The following LAMA4 variants were observed in gnomAD, a reference collection of about 807,000 sequenced individuals.
LAMA4 encodes laminin subunit alpha-4.
In LAMA4, 127 loss-of-function variants were observed where a neutral mutation model predicts 207.1. That is an observed-to-expected ratio of 0.61 (90% CI 0.53 to 0.71). The LOEUF is 0.71. Among genes scored for constraint, LAMA4 ranks in the 30% least tolerant of loss-of-function variants. The pLI, the probability that LAMA4 is intolerant of heterozygous loss-of-function variation, is 0.00. For synonymous variants in LAMA4, 761 were observed against 816.0 expected (o/e 0.93, Z 1.15); for missense variants, 2,093 against 2,246.5 (o/e 0.93, Z 1.38).
chr6:112,187,606 A>T lies in LAMA4; in HGVS notation c.815-5T>A. On this transcript the variant is annotated splice_polypyrimidine_tract_variant and splice_region_variant and intron_variant, in intron 7 of 38. Transcript: ENST00000230538. ...CCCAGACGCACTTATCACAGCCTGG[A>T]GGTGAAACATTTCTTCAGAATCACA... 1 of 1,613,546 alleles carries T rather than the reference A, an allele frequency of 6.2e-7. No individual in the cohort carries two copies. The highest frequency in any genetic ancestry group is 8.5e-7 in the Non-Finnish European group (1 of 1,179,800).
At chr6:112,145,429 A>G (rs1779964468) in intron 18 of LAMA4, among the ~76,000 whole-genome samples, 1 of 152,216 alleles carries the variant, frequency 6.6e-6, no homozygotes, top group South Asian at 2.1e-4. Flanking sequence ...GAAGGTAGGC[A>G]TGGGGGAGCC....
At chr6:112,110,373 C>G (rs1777627323) in intron 38 of LAMA4, among the ~76,000 whole-genome samples, 1 of 152,122 alleles carries the variant, frequency 6.6e-6, no homozygotes, top group African/African-American at 2.4e-5. Context: ...GCTATGTGAG[C>G]AGTAGCAGAT....
chr6:112,170,862 C>G, intron 12 of LAMA4, among the ~76,000 whole-genome samples: 1 of 152,120 alleles, frequency 6.6e-6, no homozygotes, highest in Non-Finnish European at 1.5e-5. Context: ...TGAGGTAAGA[C>G]TTAAAGGATA....
intron 6 of LAMA4, among the ~76,000 whole-genome samples, chr6:112,190,935 CTTTCTTT>C (rs1225143335): frequency 1.7e-5 from 1 of 59,304 alleles, no homozygotes; most frequent in Non-Finnish European, 3.2e-5. Context: ...TTCTTTCTTT[CTTTCTTT>C]CTTTCCTTTC....
chr6:112,207,301 C>G (rs1784114297), intron 3 of LAMA4, among the ~76,000 whole-genome samples, 156 bp from the exon 4 acceptor site: 1 of 152,186 alleles, frequency 6.6e-6, no homozygotes, highest in Non-Finnish European at 1.5e-5. Flanking sequence ...AGGAGTCACA[C>G]TGGCCCCAGT....
chr6:112,185,195 TC>T, intron 9 of LAMA4, 41 bp downstream of exon 9: 1 of 1,326,682 alleles, frequency 7.5e-7, no homozygotes. Flanking sequence ...CTAAATCCTT[TC>T]TTTGAAGGCT....
intron 2 of LAMA4, among the ~76,000 whole-genome samples, chr6:112,220,256 C>G (rs1784851398): frequency 6.6e-6 from 1 of 152,144 alleles, no homozygotes. Context: ...TTAAGAGACT[C>G]CTATTATCAC....
At chr6:112,237,473 A>G (rs575995134) in intron 2 of LAMA4, among the ~76,000 whole-genome samples, 27 of 152,314 alleles carry the variant, frequency 1.8e-4, no homozygotes, top group African/African-American at 6.0e-4. Context: ...TTTAAAAACC[A>G]GTAAAATTTC....
At chr6:112,130,480 G>GTGGATA (rs1267191329) in intron 29 of LAMA4, among the ~76,000 whole-genome samples, 8 of 152,076 alleles carry the variant, frequency 5.3e-5, no homozygotes, top group African/African-American at 1.9e-4. Flanking sequence ...GTCCACAAAA[G>GTGGATA]TGGACATAGG....
Position 112,130,948 on chromosome 6 carries a change from T to C in LAMA4, c.3968+20A>G, listed in dbSNP as rs781991594. On this transcript the variant is annotated intron_variant, in intron 29 of 38. Coordinates refer to ENST00000230538, the MANE Select transcript of LAMA4 (RefSeq NM_001105206.3). ...CCACAAATAGACATGGTGGAAAGAATATGAAGTGAGGAGCTATACCTTGTG... is the reference window on the plus strand; with the variant it reads ...CCACAAATAGACATGGTGGAAAGAACATGAAGTGAGGAGCTATACCTTGTG... 1.3e-5 allele frequency: 21 copies of C among 1,611,586 alleles called. No individual in the cohort carries two copies. The highest frequency in any genetic ancestry group is 1.7e-5 in the Non-Finnish European group (20 of 1,177,904).
intron 16 of LAMA4, among the ~76,000 whole-genome samples, chr6:112,153,919 GT>G (rs1336567372): frequency 1.3e-5 from 2 of 152,024 alleles, no homozygotes; most frequent in African/African-American, 2.4e-5. Flanking sequence ...GAAAAGCAAA[GT>G]GCATTTATCT....
chr6:112,220,467 T>G (rs781948215), intron 2 of LAMA4, among the ~76,000 whole-genome samples: 5 of 152,190 alleles, frequency 3.3e-5, no homozygotes, highest in African/African-American at 4.8e-5. Flanking sequence ...TATGAGGAAA[T>G]GAGTGTGGTG....
chr6:112,126,141 T>C (rs1233543283), intron 31 of LAMA4, among the ~76,000 whole-genome samples: 5 of 152,218 alleles, frequency 3.3e-5, no homozygotes, highest in Admixed American at 6.5e-5. Flanking sequence ...GGGCTGTTGA[T>C]TATAACCTTG....
In LAMA4 at chr6:112,109,095, G is replaced by C. The variant is rs1562616609; in HGVS notation, c.*342C>G. 2 of 286,804 alleles carry C rather than the reference G, an allele frequency of 7.0e-6. No individual in the cohort carries two copies. The highest frequency in any genetic ancestry group is 1.3e-5 in the Non-Finnish European group (2 of 148,496). 17.8% of individuals were successfully genotyped at this position (286,804 alleles called of 1,614,324 possible). A position where few individuals can be genotyped will look rare whatever the true frequency, so the allele number is the denominator to read the frequency against. ...TTCCCTGGAAGAAAGGTGAATCTGA[G>C]AATCTAGCCGCACTTCAAAAATGTG... is the stretch of plus-strand genomic sequence containing the variant. On this transcript the variant is annotated 3_prime_UTR_variant, in exon 39 of 39. Transcript: ENST00000230538.
At chr6:112,206,429 T>G (rs73542534) in intron 4 of LAMA4, among the ~76,000 whole-genome samples, 8,341 of 152,278 alleles carry the variant, frequency 0.055, 725 homozygotes, top group African/African-American at 0.19. Context: ...AAAATGGCCA[T>G]TGATGACTTA....
chr6:112,143,349 A>G (rs1554333793), intron 19 of LAMA4, among the ~76,000 whole-genome samples: 1 of 150,462 alleles, frequency 6.6e-6, no homozygotes, highest in Admixed American at 6.6e-5. Context: ...CAGTAGCACA[A>G]TGTCAGCTCA....
At position 112,120,614 on chromosome 6, in the gene LAMA4, A is replaced by G; in HGVS notation, c.4476-142T>C. On this transcript the variant is annotated intron_variant, in intron 32 of 38. Coordinates refer to ENST00000230538, the MANE Select transcript of LAMA4 (RefSeq NM_001105206.3). ...CAAGCAACATTATTCCACACTTAGTATTATTAATGAATATTAAATTAGCAT... is the reference window on the plus strand; with the variant it reads ...CAAGCAACATTATTCCACACTTAGTGTTATTAATGAATATTAAATTAGCAT... 7 of 680,040 alleles carry G rather than the reference A, an allele frequency of 1.0e-5. No homozygotes were observed. The South Asian group carries it at 1.2e-4, about 12-fold the overall frequency. The allele number at this position is 680,040 out of a possible 1,614,324, so 42.1% of individuals were successfully genotyped here. A position where few individuals can be genotyped will look rare whatever the true frequency, so the allele number is the denominator to read the frequency against.
intron 2 of LAMA4, among the ~76,000 whole-genome samples, chr6:112,233,390 G>T (rs1207628569): frequency 3.9e-5 from 6 of 152,096 alleles, no homozygotes; most frequent in African/African-American, 1.4e-4. Context: ...AATTTTTTTT[G>T]AGCACGAATT....
intron 2 of LAMA4, among the ~76,000 whole-genome samples, chr6:112,237,176 G>C (rs1785993040): frequency 6.6e-6 from 1 of 152,100 alleles, no homozygotes; most frequent in Admixed American, 6.5e-5. Context: ...CCGTCAGACA[G>C]GGAACAGGAA....
Sources: allele counts gnomAD v4.1 joint callset (sites outside exome capture counted in the v4.1 genomes callset), GRCh38; gene constraint gnomAD v4.1.1; transcripts MANE v1.5; gene names NCBI Gene and HGNC (gene_info 2026-07-23, HGNC 2026-07-21).